The following TENM2 variants were observed in gnomAD, a reference collection of about 807,000 sequenced individuals.
TENM2 encodes teneurin transmembrane protein 2, also known as teneurin-2.
TENM2 carries 52 observed loss-of-function variants against 245.2 expected under a neutral mutation model. The ratio of observed to expected loss-of-function variants is 0.21; its 90% CI spans 0.17 to 0.27. The LOEUF (loss-of-function observed/expected upper bound fraction) is 0.27, where lower values mean the gene tolerates loss of function less well. Ranked by LOEUF, TENM2 falls within the 10% of genes least tolerant of loss-of-function variation. The pLI, the probability that TENM2 is intolerant of heterozygous loss-of-function variation, is 1.00. For synonymous variants in TENM2, 1,363 were observed against 1,438.9 expected (o/e 0.95, Z 1.19); for missense variants, 3,046 against 3,666.8 (o/e 0.83, Z 4.37).
intron 2 of TENM2, among the ~76,000 whole-genome samples, chr5:167,646,379 CATT>C (rs1003232344): frequency 4.6e-5 from 7 of 151,222 alleles, no homozygotes; most frequent in African/African-American, 1.7e-4. Context: ...TGAAATGGGT[CATT>C]ATTGAAGCAC....
chr5:168,177,301 C>G (rs1759449083), intron 13 of TENM2, among the ~76,000 whole-genome samples: 1 of 152,210 alleles, frequency 6.6e-6, no homozygotes, highest in Admixed American at 6.5e-5. Context: ...TACTATACAA[C>G]AAGTCCTTCT....
intron 2 of TENM2, chr5:167,653,934 G>A (rs2150298468): frequency 6.6e-6 from 1 of 151,598 alleles, no homozygotes; most frequent in East Asian, 1.9e-4. Context: ...CAATCTAAAA[G>A]GAGATAGAGA....
chr5:167,787,365 G>T (rs1354146319), intron 2 of TENM2, among the ~76,000 whole-genome samples: 2 of 152,192 alleles, frequency 1.3e-5, no homozygotes, highest in Non-Finnish European at 2.9e-5. Flanking sequence ...GCAAATGAAA[G>T]AATTCTGACT....
intron 2 of TENM2, among the ~76,000 whole-genome samples, chr5:167,462,189 C>A (rs937383089): frequency 7.5e-6 from 1 of 132,514 alleles, no homozygotes; most frequent in African/African-American, 2.7e-5. Context: ...CCACCCCCCC[C>A]CCCCATTGCA....
intron 3 of TENM2, among the ~76,000 whole-genome samples, chr5:167,916,285 G>T (rs769174592): frequency 6.6e-6 from 1 of 152,058 alleles, no homozygotes; most frequent in Non-Finnish European, 1.5e-5. Context: ...AACCAGCTCC[G>T]AATCCATTGA....
intron 27 of TENM2, among the ~76,000 whole-genome samples, chr5:168,254,188 G>C (rs1180788009): frequency 3.3e-5 from 5 of 152,234 alleles, no homozygotes; most frequent in Non-Finnish European, 7.3e-5. Context: ...AACGTGAGAA[G>C]AGGAGAGTCA....
chr5:167,514,657 ATGAC>A (rs1168054624), intron 2 of TENM2, among the ~76,000 whole-genome samples: 1 of 152,150 alleles, frequency 6.6e-6, no homozygotes, highest in Non-Finnish European at 1.5e-5. Context: ...TAGGGCCTGA[ATGAC>A]TGACAGGTCA....
At chr5:167,599,005 T>C (rs1056297774) in intron 2 of TENM2, among the ~76,000 whole-genome samples, 12 of 142,114 alleles carry the variant, frequency 8.4e-5, no homozygotes, top group African/African-American at 3.8e-4. Context: ...ACAGTTGAAA[T>C]TTTTTTAGGC....
At chr5:168,120,563 A>C (rs548537562) in intron 10 of TENM2, among the ~76,000 whole-genome samples, 5 of 152,204 alleles carry the variant, frequency 3.3e-5, no homozygotes, top group Non-Finnish European at 7.3e-5. Context: ...TGATTTCTCA[A>C]CTTTCTCACT....
chr5:168,053,429 A>C (rs1259639360), intron 6 of TENM2, among the ~76,000 whole-genome samples: 2 of 152,098 alleles, frequency 1.3e-5, no homozygotes, highest in Non-Finnish European at 2.9e-5. Flanking sequence ...TTCAGAATTG[A>C]CTTGTACACC....
the TENM2 span, among the ~76,000 whole-genome samples, chr5:167,205,338 G>A: frequency 3.0e-4 from 45 of 152,224 alleles, no homozygotes; most frequent in Non-Finnish European, 4.9e-4. Flanking sequence ...CCAAGATCAC[G>A]CCACTGCACT....
chr5:167,366,772 C>G (rs1760080131), intron 1 of TENM2, among the ~76,000 whole-genome samples: 1 of 152,244 alleles, frequency 6.6e-6, no homozygotes, highest in Non-Finnish European at 1.5e-5. Context: ...TAACTCACTA[C>G]TCTCTCTTTC....
chr5:167,416,638 T>A (rs1048189544), intron 2 of TENM2, among the ~76,000 whole-genome samples: 2 of 152,124 alleles, frequency 1.3e-5, no homozygotes, highest in African/African-American at 4.8e-5. Flanking sequence ...AACTGTGAAG[T>A]CACCTCAGTA....
the TENM2 span, among the ~76,000 whole-genome samples, chr5:167,158,546 G>T: frequency 6.6e-6 from 1 of 152,164 alleles, no homozygotes; most frequent in Non-Finnish European, 1.5e-5. Flanking sequence ...TGTTCTGGAG[G>T]CTGCTGAGAA....
intron 3 of TENM2, among the ~76,000 whole-genome samples, chr5:167,944,326 A>G (rs1029703452): frequency 1.3e-5 from 2 of 152,152 alleles, no homozygotes; most frequent in African/African-American, 4.8e-5. Flanking sequence ...CTGAACCGCT[A>G]GAACAAATTC....
rs575100301 is a variant in TENM2, at chr5:167,421,155, ACCT to A, written c.502+45684_502+45686del. Among the ~76,000 whole-genome samples, 110 of 152,330 alleles carry A rather than the reference ACCT, an allele frequency of 7.2e-4. 1 individual carries two copies. The highest frequency in any genetic ancestry group is 2.6e-3 in the African/African-American group (108 of 41,578). Reference sequence around the variant, plus strand: ...TTTAAGAGTATTTGCTAATTAACTAACCTCATATGGAACAAAACCCCCACATTG... The same window carrying A: ...TTTAAGAGTATTTGCTAATTAACTAACATATGGAACAAAACCCCCACATTG... On this transcript the variant is annotated intron_variant, in intron 2 of 28. Coordinates refer to ENST00000518659, the Ensembl canonical transcript of TENM2.
the TENM2 span, among the ~76,000 whole-genome samples, chr5:167,027,140 T>C: frequency 6.6e-6 from 1 of 152,330 alleles, no homozygotes; most frequent in African/African-American, 2.4e-5. Context: ...CTTTGACATA[T>C]GATTTTATCC....
At chr5:168,229,533 T>C (rs1273622175) in intron 25 of TENM2, 2 of 118,446 alleles carry the variant, frequency 1.7e-5, no homozygotes, top group East Asian at 5.7e-4. Context: ...AACTAATAAA[T>C]AAAAATAAAT....
At chr5:168,045,539 G>T (rs1788537456) in intron 5 of TENM2, among the ~76,000 whole-genome samples, 1 of 152,132 alleles carries the variant, frequency 6.6e-6, no homozygotes, top group Non-Finnish European at 1.5e-5. Flanking sequence ...TGTCATCTTT[G>T]CCTGATGGGA....
Sources: allele counts gnomAD v4.1 joint callset (sites outside exome capture counted in the v4.1 genomes callset), GRCh38; gene constraint gnomAD v4.1.1; transcripts MANE v1.5; gene names NCBI Gene and HGNC (gene_info 2026-07-23, HGNC 2026-07-21).